The following PTGER3 variants were observed in gnomAD, a reference collection of about 807,000 sequenced individuals.
The protein encoded by PTGER3 is prostaglandin E receptor 3.
In PTGER3, 22 loss-of-function variants were observed where a neutral mutation model predicts 34.7. That is an observed-to-expected ratio of 0.63 (90% CI 0.45 to 0.91). PTGER3 has a LOEUF of 0.91. Ranked by LOEUF, PTGER3 falls within the 40% of genes least tolerant of loss-of-function variation. PTGER3 has a pLI of 0.00. For synonymous variants in PTGER3, 241 were observed against 230.1 expected (o/e 1.05, Z -0.43); for missense variants, 468 against 519.4 (o/e 0.90, Z 0.96).
intron 4 of PTGER3, among the ~76,000 whole-genome samples, chr1:70,855,383 T>C (rs1645779144): frequency 6.6e-6 from 1 of 152,176 alleles, no homozygotes; most frequent in Non-Finnish European, 1.5e-5. Context: ...GAAAAACTTT[T>C]AGAGATCTAT....
intron 2 of PTGER3, chr1:71,009,910 T>C: frequency 3.0e-6 from 3 of 985,204 alleles, no homozygotes; most frequent in Non-Finnish European, 3.6e-6. Flanking sequence ...ACCTCAACCA[T>C]CATGAAAAGG....
Position 70,855,253 on chromosome 1 carries a change from G to T in PTGER3, c.*24-2394C>A, listed in dbSNP as rs72932106. Among the ~76,000 whole-genome samples the T allele has an allele frequency of 5.9e-3, 901 of 152,298 alleles. 11 individuals carry two copies. Among genetic ancestry groups the T allele is most frequent in the African/African-American group, 0.021 (878 of 41,560 alleles). On this transcript the variant is annotated intron_variant, in intron 4 of 4. Transcript: ENST00000370931. ...AGACCAACACTGTATGATTCCACCT[G>T]TATAAGGCATCTAAATTGGTCCAAC... is the stretch of plus-strand genomic sequence containing the variant.
intron 4 of PTGER3, among the ~76,000 whole-genome samples, chr1:70,907,597 T>C (rs1052250324): frequency 6.6e-6 from 1 of 152,208 alleles, no homozygotes; most frequent in Non-Finnish European, 1.5e-5. Flanking sequence ...AGTCAGTAGT[T>C]TGGGCAGGCA....
At chr1:70,856,930 T>C (rs868327247) in intron 4 of PTGER3, among the ~76,000 whole-genome samples, 1 of 152,230 alleles carries the variant, frequency 6.6e-6, no homozygotes, top group Non-Finnish European at 1.5e-5. Context: ...CAAAGATTTG[T>C]TGGTGTTAAT....
chr1:71,010,595 T>C, intron 2 of PTGER3: 4 of 984,878 alleles, frequency 4.1e-6, no homozygotes, highest in Non-Finnish European at 4.8e-6. Flanking sequence ...TATTATGTGA[T>C]TTCAGTGCAC....
chr1:70,970,713 G>C, downstream of PTGER3: 1 of 339,276 alleles, frequency 2.9e-6, no homozygotes. Context: ...ACAAGAAGAA[G>C]AAAAGCTGAT....
At chr1:70,887,680 C>G (rs35946140) in intron 4 of PTGER3, among the ~76,000 whole-genome samples, 7,431 of 151,930 alleles carry the variant, frequency 0.049, 427 homozygotes, top group East Asian at 0.22. Flanking sequence ...CAAATTCTTG[C>G]TATTTTCTCT....
chr1:71,046,306 A>AAC (rs1553181241), intron 1 of PTGER3, among the ~76,000 whole-genome samples: 115 of 147,168 alleles, frequency 7.8e-4, no homozygotes, highest in South Asian at 4.9e-3. Flanking sequence ...AAAAAAAAAA[A>AAC]CCCCACAATA....
At chr1:70,901,606 G>A (rs1350070483) in intron 4 of PTGER3, among the ~76,000 whole-genome samples, 1 of 152,132 alleles carries the variant, frequency 6.6e-6, no homozygotes, top group Non-Finnish European at 1.5e-5. Context: ...GAAGAGCAAA[G>A]GCAGTACCTA....
intron 1 of PTGER3, among the ~76,000 whole-genome samples, chr1:71,034,481 CAT>C (rs1415804233): frequency 9.2e-5 from 14 of 152,154 alleles, no homozygotes; most frequent in African/African-American, 3.4e-4. Context: ...TGTAAATGCA[CAT>C]GAGTTTACAT....
At chr1:70,985,756 C>T (rs190418800) in intron 2 of PTGER3, among the ~76,000 whole-genome samples, 2 of 152,268 alleles carry the variant, frequency 1.3e-5, no homozygotes, top group East Asian at 1.9e-4. Context: ...TTACTTTTGT[C>T]TTAAGTTTTC....
At chr1:70,955,988 A>G (rs1357367281) in intron 2 of PTGER3, among the ~76,000 whole-genome samples, 1 of 152,156 alleles carries the variant, frequency 6.6e-6, no homozygotes, top group East Asian at 1.9e-4. Context: ...TGGCATCTCA[A>G]GTAGCTATTT....
chr1:70,852,862 G>A (rs963589970), intron 4 of PTGER3: 3 of 1,612,440 alleles, frequency 1.9e-6, no homozygotes, highest in Non-Finnish European at 2.5e-6. Flanking sequence ...AATTCCTCCT[G>A]GAAAACAAAC....
At chr1:70,853,015 A>C in intron 4 of PTGER3, 1 of 911,012 alleles carries the variant, frequency 1.1e-6, no homozygotes, top group Non-Finnish European at 1.7e-6. Context: ...AACAAGAACG[A>C]AGTTGTGTGA....
At chr1:70,926,346 T>G (rs886994923) in intron 4 of PTGER3, among the ~76,000 whole-genome samples, 1 of 152,216 alleles carries the variant, frequency 6.6e-6, no homozygotes, top group African/African-American at 2.4e-5. Flanking sequence ...TGTATCCTCT[T>G]TTATTTCATT....
chr1:70,937,855 AT>A (rs2100529288), intron 4 of PTGER3, among the ~76,000 whole-genome samples: 1 of 151,912 alleles, frequency 6.6e-6, no homozygotes, highest in Non-Finnish European at 1.5e-5. Context: ...CAATTGTCTC[AT>A]TTTGCTTTTA....
At position 71,047,534 on chromosome 1, in the gene PTGER3, G is replaced by A. The variant is rs1249979236; in HGVS notation, c.44C>T (p.Thr15Ile). Reference sequence around the variant, plus strand: ...GCCTGTGTAGGAGTGGTTGAGGCGGGTGCAGAAGGGGGCATCCCCTCCGTA... The same window carrying A: ...GCCTGTGTAGGAGTGGTTGAGGCGGATGCAGAAGGGGGCATCCCCTCCGTA... ...RGYGGDAPFC[T>I]RLNHSYTGMW... Residue 15 changes from threonine (T) to isoleucine (I), a missense_variant, in exon 1 of 4, where the codon ACC (threonine) becomes ATC (isoleucine). Physicochemically the swap from Thr to Ile is moderately conservative, Grantham distance 89. Around this residue, in one of 5 missense-constraint regions of PTGER3, gnomAD observed 151 missense variants for 133.5 expected, o/e 1.13. Transcript: ENST00000306666. The A allele has an allele frequency of 3.2e-6, 5 of 1,583,476 alleles. No individual in the cohort carries two copies. The highest frequency in any genetic ancestry group is 2.7e-5 in the African/African-American group (2 of 74,644).
chr1:70,856,007 T>C (rs1490497540), intron 4 of PTGER3, among the ~76,000 whole-genome samples: 1 of 152,074 alleles, frequency 6.6e-6, no homozygotes, highest in East Asian at 1.9e-4. Context: ...TTAAAAAGTT[T>C]GGTAATATGG....
At chr1:70,895,499 A>G (rs925658062) in intron 4 of PTGER3, among the ~76,000 whole-genome samples, 2 of 152,224 alleles carry the variant, frequency 1.3e-5, no homozygotes, top group African/African-American at 4.8e-5. Context: ...CCAGTGTAAG[A>G]GCTGATTAAA....
Sources: allele counts gnomAD v4.1 joint callset (sites outside exome capture counted in the v4.1 genomes callset), GRCh38; gene constraint gnomAD v4.1.1; regional missense constraint gnomAD v4.1.1; transcripts MANE v1.5; gene names NCBI Gene and HGNC (gene_info 2026-07-23, HGNC 2026-07-21).